The following IQGAP2 variants were observed in gnomAD, a reference collection of about 807,000 sequenced individuals.
The protein encoded by IQGAP2 is IQ motif containing GTPase activating protein 2.
In IQGAP2, 173 loss-of-function variants were observed where a neutral mutation model predicts 201.3. That is an observed-to-expected ratio of 0.86 (90% confidence interval 0.76 to 0.98). The LOEUF is 0.98. Ranked by LOEUF, IQGAP2 falls within the 50% of genes least tolerant of loss-of-function variation. The pLI is 0.00. For synonymous variants in IQGAP2, 675 were observed against 673.9 expected (o/e 1.00, Z -0.03); for missense variants, 1,687 against 1,864.8 (o/e 0.90, Z 1.76).
chr5:76,706,996 G>A (rs555953000), intron 35 of IQGAP2, among the ~76,000 whole-genome samples: 7 of 152,336 alleles, frequency 4.6e-5, no homozygotes, highest in Admixed American at 6.5e-5. Context: ...CATGGCATGC[G>A]CCTGTAGTCC....
At chr5:76,458,072 G>A (rs1209206261) in intron 1 of IQGAP2, among the ~76,000 whole-genome samples, 1 of 152,182 alleles carries the variant, frequency 6.6e-6, no homozygotes, top group Non-Finnish European at 1.5e-5. Flanking sequence ...GTCCCTTCCT[G>A]GGCCCACTTA....
chr5:76,609,474 G>C (rs767870864), intron 12 of IQGAP2, among the ~76,000 whole-genome samples: 1 of 152,114 alleles, frequency 6.6e-6, no homozygotes, highest in Non-Finnish European at 1.5e-5. Flanking sequence ...GTTTTAGATG[G>C]TTTCATTCTT....
intron 2 of IQGAP2, among the ~76,000 whole-genome samples, chr5:76,536,577 T>A (rs1225165758): frequency 3.3e-5 from 5 of 151,610 alleles, no homozygotes; most frequent in Admixed American, 3.3e-4. Flanking sequence ...CTGACCAACA[T>A]GGCAAAACCC....
At chr5:76,451,979 G>T (rs1294423476) in intron 1 of IQGAP2, among the ~76,000 whole-genome samples, 1 of 152,198 alleles carries the variant, frequency 6.6e-6, no homozygotes, top group Non-Finnish European at 1.5e-5. Context: ...GGAGGTTGCA[G>T]TGAGCTGAGA....
chr5:76,659,518 A>C (rs1434459003), intron 21 of IQGAP2, among the ~76,000 whole-genome samples: 6 of 152,136 alleles, frequency 3.9e-5, no homozygotes, highest in African/African-American at 1.4e-4. Flanking sequence ...GTCTCCACCC[A>C]ATTTACATAG....
chr5:76,512,119 G>T lies in IQGAP2; in HGVS notation c.147-50277G>T, dbSNP rs532102521. Among the ~76,000 whole-genome samples, 28 of 152,292 alleles carry T rather than the reference G, an allele frequency of 1.8e-4. No individual in the cohort carries two copies. The South Asian group carries it at 3.7e-3, about 20-fold the overall frequency. On this transcript the variant is annotated intron_variant, in intron 2 of 35. Coordinates refer to ENST00000274364, the MANE Select transcript of IQGAP2 (RefSeq NM_006633.5). ...CTTATTCTCATATTGCAGTAACAGG[G>T]AAACTGAGAGATAGGGGTGTGTCAG...
intron 1 of IQGAP2, among the ~76,000 whole-genome samples, chr5:76,444,376 G>A (rs1224770253): frequency 6.6e-6 from 1 of 152,286 alleles, no homozygotes; most frequent in African/African-American, 2.4e-5. Flanking sequence ...TCAGCTCACC[G>A]CAACCTCTGC....
chr5:76,622,455 C>T (rs989028637), intron 13 of IQGAP2, among the ~76,000 whole-genome samples: 1 of 152,162 alleles, frequency 6.6e-6, no homozygotes, highest in African/African-American at 2.4e-5. Flanking sequence ...CAGTCTTTGC[C>T]TCTCCCACTC....
At chr5:76,411,037 A>G (rs750087204) in intron 1 of IQGAP2, among the ~76,000 whole-genome samples, 1 of 152,224 alleles carries the variant, frequency 6.6e-6, no homozygotes, top group Non-Finnish European at 1.5e-5. Flanking sequence ...CAGTAACAGC[A>G]GCGGAGCATC....
chr5:76,538,892 C>T (rs886796547), intron 2 of IQGAP2, among the ~76,000 whole-genome samples: 4 of 152,118 alleles, frequency 2.6e-5, no homozygotes, highest in South Asian at 2.1e-4. Flanking sequence ...ACTCGCCAAG[C>T]GGAGTTGGTG....
intron 1 of IQGAP2, among the ~76,000 whole-genome samples, chr5:76,440,986 G>A (rs566464348): frequency 3.1e-4 from 46 of 149,492 alleles, no homozygotes; most frequent in Admixed American, 5.4e-4. Flanking sequence ...AGCCGAGTTC[G>A]TACCATTGCA....
At chr5:76,660,378 TA>T (rs1220580548) in intron 21 of IQGAP2, 1 of 152,248 alleles carries the variant, frequency 6.6e-6, no homozygotes, top group Non-Finnish European at 1.5e-5. Context: ...CAGTACTTTT[TA>T]AAAAACAATG....
At chr5:76,686,511 G>A (rs1204512355) in intron 30 of IQGAP2, among the ~76,000 whole-genome samples, 3 of 151,824 alleles carry the variant, frequency 2.0e-5, no homozygotes, top group African/African-American at 7.3e-5. Flanking sequence ...TGTTGTTATT[G>A]TTGTTGTTTT....
rs748511061 is a variant in IQGAP2 at position 76,707,287 on chromosome 5, C to A, written c.4702C>A (p.Leu1568Met). The change falls in exon 36 of 36, where the codon CTG becomes ATG. Residue 1568 changes from leucine (L) to methionine (M), a missense_variant. By Grantham distance (15) the Leu-to-Met change is conservative (BLOSUM62 2). Coordinates refer to ENST00000274364, the MANE Select transcript of IQGAP2 (RefSeq NM_006633.5). ...GAATGTAAACCTTCTCATATACCTG[C>A]TGAACAAGAAGTTCTATGGAAAGTG... ...KVNVNLLIYL[L>M]NKKFYGK 6.4e-7 allele frequency: 1 copy of A among 1,550,862 alleles called. No individual in the cohort carries two copies. Among genetic ancestry groups the A allele is most frequent in the Non-Finnish European group, 8.9e-7 (1 of 1,122,672 alleles).
At chr5:76,405,068 C>A (rs1280988736) in intron 1 of IQGAP2, among the ~76,000 whole-genome samples, 1 of 152,254 alleles carries the variant, frequency 6.6e-6, no homozygotes, top group Non-Finnish European at 1.5e-5. Context: ...AAGATAACCA[C>A]AAACTTCTGC....
In IQGAP2 at chr5:76,702,572, G is replaced by C. The variant is rs145165340; in HGVS notation, c.4596G>C (p.Lys1532Asn). 6.4e-7 allele frequency: 1 copy of C among 1,557,334 alleles called. No individual in the cohort carries two copies. The highest frequency in any genetic ancestry group is 1.1e-5 in the South Asian group (1 of 89,778). The stretch of plus-strand genomic sequence containing the variant: ...AATTCCTTGGTGTTGAGATGGAAAA[G>C]GTGCAACTCAATATTCAGGTAAGCT... ...RSKFLGVEME[K>N]VQLNIQDLLQ... Residue 1532 changes from lysine (K) to asparagine (N), a missense_variant, in exon 35 of 36, where the codon AAG (lysine) becomes AAC (asparagine). Coordinates refer to ENST00000274364, the MANE Select transcript of IQGAP2 (RefSeq NM_006633.5).
At chr5:76,461,315 T>C (rs1425690698) in intron 1 of IQGAP2, among the ~76,000 whole-genome samples, 2 of 150,300 alleles carry the variant, frequency 1.3e-5, no homozygotes, top group East Asian at 3.9e-4. Context: ...TTGCAGTAAG[T>C]CATGATGGCA....
intron 13 of IQGAP2, among the ~76,000 whole-genome samples, chr5:76,626,803 C>T (rs572682392): frequency 3.4e-4 from 51 of 152,188 alleles, no homozygotes; most frequent in African/African-American, 1.2e-3. Flanking sequence ...CCCGGGAAGA[C>T]TTTTTGGAGT....
intron 22 of IQGAP2, 24 bp downstream of exon 22, chr5:76,665,199 CTG>C: frequency 1.9e-6 from 3 of 1,604,076 alleles, no homozygotes; most frequent in Non-Finnish European, 2.6e-6. Context: ...ATCGTTCACT[CTG>C]AGTTTGGGAG....
Sources: allele counts gnomAD v4.1 joint callset (sites outside exome capture counted in the v4.1 genomes callset), GRCh38; gene constraint gnomAD v4.1.1; transcripts MANE v1.5; gene names NCBI Gene and HGNC (gene_info 2026-07-23, HGNC 2026-07-21).